PTDSS1: variants seen among roughly 807,000 people sequenced by gnomAD.
PTDSS1 encodes the protein phosphatidylserine synthase 1.
Under a neutral mutation model 70.5 loss-of-function variants are expected in PTDSS1, and 45 were observed. The observed-to-expected ratio is 0.64, with a 90% CI of 0.50 to 0.82. The LOEUF is 0.82. PTDSS1 is among the 40% of genes least tolerant of loss of function. The probability of loss-of-function intolerance (pLI) is 0.00; values close to 1 mark genes in which losing one functional copy is unlikely to be tolerated. For synonymous variants in PTDSS1, 188 were observed against 203.8 expected (o/e 0.92, Z 0.66); for missense variants, 417 against 586.1 (o/e 0.71, Z 2.98).
chr8:96,285,567 T>G (rs1810811207), intron 3 of PTDSS1, among the ~76,000 whole-genome samples: 1 of 152,214 alleles, frequency 6.6e-6, no homozygotes, highest in Non-Finnish European at 1.5e-5. Flanking sequence ...TTTCAGCTAT[T>G]TGGACACATC....
At position 96,286,561 on chromosome 8, in the gene PTDSS1, T is replaced by C. The variant is rs536012549; in HGVS notation, c.317-461T>C. ...ACCTAGATCATCTTATTTCCCCACT[T>C]AACTTACAATCATATCTGAAATGTT... On this transcript the variant is annotated intron_variant, in intron 3 of 12. Transcript: ENST00000517309. 9.2e-5 allele frequency among the ~76,000 whole-genome samples: 14 copies of C among 152,308 alleles called. No homozygotes were observed. In the South Asian group the frequency reaches 2.9e-3, roughly 32 times the overall value.
intron 10 of PTDSS1, among the ~76,000 whole-genome samples, chr8:96,328,531 T>C (rs976734363): frequency 2.6e-5 from 4 of 152,164 alleles, no homozygotes; most frequent in Non-Finnish European, 4.4e-5. Context: ...CCCTAACCTG[T>C]AGGTATATGC....
chr8:96,307,738 G>A (rs770932646), intron 8 of PTDSS1, among the ~76,000 whole-genome samples: 8 of 152,094 alleles, frequency 5.3e-5, no homozygotes, highest in Non-Finnish European at 8.8e-5. Context: ...AAGATTTACC[G>A]CAGCTCTTTC....
chr8:96,268,981 G>A (rs1046667937), intron 1 of PTDSS1, among the ~76,000 whole-genome samples: 1 of 152,190 alleles, frequency 6.6e-6, no homozygotes, highest in Admixed American at 6.5e-5. Context: ...AGGGCATTGT[G>A]CCAGGCACTA....
intron 8 of PTDSS1, among the ~76,000 whole-genome samples, chr8:96,308,749 A>G (rs1811163350): frequency 6.6e-6 from 1 of 152,260 alleles, no homozygotes; most frequent in South Asian, 2.1e-4. Flanking sequence ...AGTTTAACAT[A>G]TTAATAAAAT....
chr8:96,314,335 C>T (rs932690466), intron 9 of PTDSS1, among the ~76,000 whole-genome samples: 2 of 152,156 alleles, frequency 1.3e-5, no homozygotes, highest in Non-Finnish European at 2.9e-5. Context: ...GCATTGGCCA[C>T]GGCACGCAGC....
intron 1 of PTDSS1, among the ~76,000 whole-genome samples, chr8:96,269,712 A>G (rs1425457567): frequency 1.3e-5 from 2 of 152,214 alleles, no homozygotes; most frequent in African/African-American, 2.4e-5. Context: ...TGTCAGAGAC[A>G]GTTCCTACAT....
chr8:96,267,828 C>T (rs933447339), intron 1 of PTDSS1, among the ~76,000 whole-genome samples: 3 of 152,168 alleles, frequency 2.0e-5, no homozygotes, highest in South Asian at 2.1e-4. Flanking sequence ...CGGCAGCTCA[C>T]GTGTCCCATA....
At position 96,306,448 on chromosome 8, in the gene PTDSS1, C is replaced by T; in HGVS notation, c.899C>T (p.Thr300Ile). ...TAATTTCTCCGTCTTTTTCAGCTGACTGAGTTGAATACCTTCTTCTTGAAG... is the reference window on the plus strand; with the variant it reads ...TAATTTCTCCGTCTTTTTCAGCTGATTGAGTTGAATACCTTCTTCTTGAAG... ...VYLFMIIWQLTELNTFFLKHI... is the reference protein window; with the variant it reads ...VYLFMIIWQLIELNTFFLKHI... Residue 300 changes from threonine (T) to isoleucine (I), a missense_variant, in exon 8 of 13, where the codon ACT (threonine) becomes ATT (isoleucine). Thr to Ile is a moderately conservative substitution (Grantham distance 89). Coordinates refer to ENST00000517309, the MANE Select transcript of PTDSS1 (RefSeq NM_014754.3). 6.2e-7 allele frequency: 1 copy of T among 1,612,962 alleles called. No individual in the cohort carries two copies. Among genetic ancestry groups the T allele is most frequent in the Non-Finnish European group, 8.5e-7 (1 of 1,179,070 alleles).
intron 7 of PTDSS1, among the ~76,000 whole-genome samples, chr8:96,305,886 G>T (rs1811115182): frequency 6.6e-6 from 1 of 152,258 alleles, no homozygotes; most frequent in African/African-American, 2.4e-5. Flanking sequence ...TCACCATGTT[G>T]GCCAGGCTGG....
chr8:96,289,401 C>A (rs1390220325), intron 4 of PTDSS1, among the ~76,000 whole-genome samples: 2 of 152,162 alleles, frequency 1.3e-5, no homozygotes, highest in African/African-American at 4.8e-5. Flanking sequence ...CCAGGAAACT[C>A]CAAGGAATTA....
At chr8:96,320,413 G>A (rs1586208340) in intron 10 of PTDSS1, 68 bp downstream of exon 10, 7 of 1,318,840 alleles carry the variant, frequency 5.3e-6, no homozygotes, top group East Asian at 2.3e-5. Context: ...ACGGAGGGGG[G>A]CAAAGAAACC....
At chr8:96,275,798 C>T (rs906479270) in intron 2 of PTDSS1, among the ~76,000 whole-genome samples, 1 of 152,214 alleles carries the variant, frequency 6.6e-6, no homozygotes, top group Admixed American at 6.5e-5. Flanking sequence ...ATTCCCCATT[C>T]CCCTCAGCCA....
At position 96,262,278 on chromosome 8, in the gene PTDSS1, A is replaced by AGGGG; in HGVS notation, c.179+62_179+63insGGGG. Reference sequence around the variant, plus strand: ...AAGGGCTAGGGAAGAGGCGGGAGGGAGGGTGGCGGGGAGGGGGGCCCGGCA... The same window carrying AGGGG: ...AAGGGCTAGGGAAGAGGCGGGAGGGAGGGGGGGTGGCGGGGAGGGGGGCCCGGCA... On this transcript the variant is annotated intron_variant, in intron 1 of 12. Coordinates refer to ENST00000517309, the MANE Select transcript of PTDSS1 (RefSeq NM_014754.3). This position sits in a 1 kb window ranked among gnomAD's most constrained non-coding sequence, Gnocchi z 4.4. 1.9e-5 allele frequency: 5 copies of AGGGG among 269,032 alleles called. No individual in the cohort carries two copies. The highest frequency in any genetic ancestry group is 4.6e-5 in the Admixed American group (1 of 21,644). The allele number at this position is 269,032 out of a possible 1,614,324, so 16.7% of individuals were successfully genotyped here. A position where few individuals can be genotyped will look rare whatever the true frequency, so the allele number is the denominator to read the frequency against.
intron 10 of PTDSS1, among the ~76,000 whole-genome samples, chr8:96,328,622 C>G (rs949664384): frequency 4.6e-5 from 7 of 152,242 alleles, no homozygotes; most frequent in African/African-American, 1.4e-4. Flanking sequence ...TGCCACTGTT[C>G]CTGCTTCCAC....
intron 1 of PTDSS1, among the ~76,000 whole-genome samples, chr8:96,267,337 C>T (rs1237423038): frequency 6.6e-6 from 1 of 152,172 alleles, no homozygotes; most frequent in African/African-American, 2.4e-5. Context: ...TTCACCATCT[C>T]ATTTATCTTC....
intron 2 of PTDSS1, among the ~76,000 whole-genome samples, chr8:96,276,974 GCGCGCGCACA>G (rs1810654550): frequency 8.8e-6 from 1 of 114,096 alleles, no homozygotes; most frequent in East Asian, 2.8e-4. Context: ...ACGCGCGCAC[GCGCGCGCACA>G]CACACACACA....
intron 12 of PTDSS1, 144 bp downstream of exon 12, chr8:96,331,239 A>G (rs780329992): frequency 5.1e-6 from 4 of 780,548 alleles, no homozygotes; most frequent in Non-Finnish European, 8.3e-6. Flanking sequence ...ATTAAGAAAC[A>G]TGCAATGGCT....
intron 9 of PTDSS1, among the ~76,000 whole-genome samples, chr8:96,312,014 G>T (rs1356213743): frequency 2.6e-5 from 4 of 152,198 alleles, no homozygotes; most frequent in Non-Finnish European, 5.9e-5. Flanking sequence ...CTATTATTCT[G>T]CTGTGGAGTG....
Sources: gnomAD v4.1 joint callset for allele counts (sites outside exome capture counted in the v4.1 genomes callset) on GRCh38, gnomAD v4.1.1 for gene constraint, Gnocchi (gnomAD v3.1) non-coding constraint, MANE v1.5 for transcripts, NCBI Gene and HGNC (gene_info 2026-07-23, HGNC 2026-07-21) for gene names.